Variants in GRM5 observed in about 807,000 individuals in gnomAD.
GRM5 encodes metabotropic glutamate receptor 5.
In GRM5, 19 loss-of-function variants were observed where a neutral mutation model predicts 83.1. The ratio of observed to expected loss-of-function variants is 0.23; its 90% CI spans 0.16 to 0.34. GRM5 has a LOEUF of 0.34. Among genes scored for constraint, GRM5 ranks in the 10% least tolerant of loss-of-function variants. The pLI, the probability that GRM5 is intolerant of heterozygous loss-of-function variation, is 1.00. For synonymous variants in GRM5, 675 were observed against 633.6 expected (o/e 1.07, Z -0.98); for missense variants, 1,160 against 1,588.3 (o/e 0.73, Z 4.58).
chr11:88,681,565 C>CT (rs796854617), intron 3 of GRM5, among the ~76,000 whole-genome samples: 563 of 25,392 alleles, frequency 0.022, 156 homozygotes, highest in African/African-American at 0.051. Context: ...TGAGTTCTTC[C>CT]TTTTTTTTTT....
chr11:88,649,231 T>C (rs1939558231), intron 4 of GRM5, among the ~76,000 whole-genome samples: 1 of 137,760 alleles, frequency 7.3e-6, no homozygotes, highest in Middle Eastern at 3.9e-3. Context: ...TATGTATATA[T>C]AGTATATATA....
chr11:88,894,548 G>A (rs1048140503), intron 2 of GRM5, among the ~76,000 whole-genome samples: 7 of 151,958 alleles, frequency 4.6e-5, no homozygotes, highest in Non-Finnish European at 1.0e-4. Context: ...TTTCTAACCT[G>A]TGTTCTAGTG....
intron 3 of GRM5, among the ~76,000 whole-genome samples, chr11:88,776,497 A>G (rs1422151347): frequency 6.6e-6 from 1 of 152,072 alleles, no homozygotes; most frequent in Non-Finnish European, 1.5e-5. Flanking sequence ...TAGCTGGTTT[A>G]TTTTGCCCAT....
At chr11:88,696,249 T>C (rs1347662881) in intron 3 of GRM5, among the ~76,000 whole-genome samples, 2 of 152,054 alleles carry the variant, frequency 1.3e-5, no homozygotes, top group Non-Finnish European at 2.9e-5. Context: ...CTGGTTTCTG[T>C]CTGTGGGTGT....
chr11:88,841,614 T>C (rs1272449632), intron 3 of GRM5, among the ~76,000 whole-genome samples: 1 of 152,210 alleles, frequency 6.6e-6, no homozygotes, highest in Non-Finnish European at 1.5e-5. Context: ...TTTCGTTATG[T>C]TGGTCTTTCC....
chr11:88,751,001 A>G (rs1273430919), intron 3 of GRM5, among the ~76,000 whole-genome samples: 1 of 150,906 alleles, frequency 6.6e-6, no homozygotes, highest in Non-Finnish European at 1.5e-5. Flanking sequence ...AACTAAAAGA[A>G]CTAGAGAAAC....
At chr11:88,656,224 C>G (rs1163732899) in intron 3 of GRM5, among the ~76,000 whole-genome samples, 1 of 152,090 alleles carries the variant, frequency 6.6e-6, no homozygotes, top group Non-Finnish European at 1.5e-5. Flanking sequence ...TAAAAGTCTA[C>G]CACATTTAAG....
At chr11:88,941,368 T>C (rs1938083726) in intron 2 of GRM5, among the ~76,000 whole-genome samples, 3 of 144,352 alleles carry the variant, frequency 2.1e-5, no homozygotes, top group South Asian at 2.2e-4. Context: ...GCCATATATA[T>C]ACATAATAAT....
At chr11:88,689,538 G>T (rs1940727322) in intron 3 of GRM5, among the ~76,000 whole-genome samples, 1 of 152,178 alleles carries the variant, frequency 6.6e-6, no homozygotes, top group South Asian at 2.1e-4. Context: ...TGAAGAACTT[G>T]TATACTGCAG....
intron 3 of GRM5, among the ~76,000 whole-genome samples, chr11:88,802,527 A>G (rs901552263): frequency 3.3e-5 from 5 of 152,168 alleles, no homozygotes; most frequent in Admixed American, 3.3e-4. Flanking sequence ...TATTGATGGG[A>G]CATATCCCAA....
At position 88,902,264 on chromosome 11, in the gene GRM5, G is replaced by A. The variant is rs374141101; in HGVS notation, c.662-52109C>T. Among the ~76,000 whole-genome samples, 37 of 151,954 alleles carry A rather than the reference G, an allele frequency of 2.4e-4. No homozygotes were observed. The Middle Eastern group carries it at 0.017, about 70-fold the overall frequency. The stretch of plus-strand genomic sequence containing the variant: ...TGGGATCTGTAGTTAGGATGTCTAG[G>A]TTTAAATCTTACCTTTGCTACTTAA... On this transcript the variant is annotated intron_variant, in intron 2 of 9. Coordinates refer to ENST00000305447, the MANE Select transcript of GRM5 (RefSeq NM_001143831.3).
intron 8 of GRM5, among the ~76,000 whole-genome samples, chr11:88,534,385 C>T (rs1473349870): frequency 6.6e-6 from 1 of 152,198 alleles, no homozygotes; most frequent in African/African-American, 2.4e-5. Flanking sequence ...GGGAGGTCAC[C>T]TCTTGCAGTA....
At chr11:89,034,149 G>C (rs931754706) in intron 2 of GRM5, among the ~76,000 whole-genome samples, 1 of 151,616 alleles carries the variant, frequency 6.6e-6, no homozygotes, top group Non-Finnish European at 1.5e-5. Context: ...ATTGTTTAAA[G>C]TTGTATGCTA....
At chr11:88,538,643 G>A (rs17829309) in intron 8 of GRM5, among the ~76,000 whole-genome samples, 16,918 of 152,230 alleles carry the variant, frequency 0.11, 1,260 homozygotes, top group Non-Finnish European at 0.16. Flanking sequence ...TGGAAATGCA[G>A]TGAAGTCAGA....
chr11:88,990,778 T>C (rs939378644), intron 2 of GRM5, among the ~76,000 whole-genome samples: 2 of 151,610 alleles, frequency 1.3e-5, no homozygotes, highest in African/African-American at 2.4e-5. Flanking sequence ...ATTATCTCAA[T>C]AGATGCAGAA....
chr11:88,972,017 T>C (rs537608024), intron 2 of GRM5, among the ~76,000 whole-genome samples: 1 of 152,104 alleles, frequency 6.6e-6, no homozygotes, highest in Non-Finnish European at 1.5e-5. Flanking sequence ...TAAGTGATAA[T>C]TGACACGGCA....
chr11:88,921,349 C>T lies in GRM5; in HGVS notation c.662-71194G>A, dbSNP rs577335188. Reference sequence around the variant, plus strand: ...TTCAAAATACTGGGCTTAGGCCAGGCGCAGTGGCTCATGCCTGTAATCCTA... The same window carrying T: ...TTCAAAATACTGGGCTTAGGCCAGGTGCAGTGGCTCATGCCTGTAATCCTA... On this transcript the variant is annotated intron_variant, in intron 2 of 9. Coordinates refer to ENST00000305447, the MANE Select transcript of GRM5 (RefSeq NM_001143831.3). Among the ~76,000 whole-genome samples, 21 of 152,278 alleles carry T rather than the reference C, an allele frequency of 1.4e-4. No homozygotes were observed. In the East Asian group the frequency reaches 2.3e-3, roughly 17 times the overall value.
intron 3 of GRM5, among the ~76,000 whole-genome samples, chr11:88,698,086 C>T (rs186838069): frequency 1.3e-5 from 2 of 152,270 alleles, no homozygotes; most frequent in East Asian, 1.9e-4. Context: ...CATTCAGACT[C>T]GTCCTCTGCC....
intron 8 of GRM5, among the ~76,000 whole-genome samples, chr11:88,560,972 G>C (rs1942740948): frequency 6.6e-6 from 1 of 152,146 alleles, no homozygotes; most frequent in Non-Finnish European, 1.5e-5. Flanking sequence ...TCTGTGAGAT[G>C]GGTAAATCTG....
Sources: gnomAD v4.1 joint callset for allele counts (sites outside exome capture counted in the v4.1 genomes callset) on GRCh38, gnomAD v4.1.1 for gene constraint, MANE v1.5 for transcripts, NCBI Gene and HGNC (gene_info 2026-07-23, HGNC 2026-07-21) for gene names.